OTUD7A: variants seen among roughly 807,000 people sequenced by gnomAD.
OTUD7A encodes OTU domain-containing protein 7A.
In OTUD7A, 12 loss-of-function variants were observed where a neutral mutation model predicts 65.7. That is an observed-to-expected ratio of 0.18 (90% confidence interval 0.12 to 0.30). The LOEUF (loss-of-function observed/expected upper bound fraction) is 0.30, where lower values mean the gene tolerates loss of function less well. Ranked by LOEUF, OTUD7A falls within the 10% of genes least tolerant of loss-of-function variation. The pLI, the probability that OTUD7A is intolerant of heterozygous loss-of-function variation, is 1.00. For synonymous variants in OTUD7A, 641 were observed against 586.3 expected (o/e 1.09, Z -1.35); for missense variants, 1,148 against 1,304.8 (o/e 0.88, Z 1.85).
At chr15:31,605,773 A>G (rs1442220553) in intron 3 of OTUD7A, among the ~76,000 whole-genome samples, 1 of 152,186 alleles carries the variant, frequency 6.6e-6, no homozygotes, top group East Asian at 1.9e-4. Context: ...TGACATCGCT[A>G]CAGTGCTGCA....
intron 8 of OTUD7A, among the ~76,000 whole-genome samples, chr15:31,525,360 A>C (rs2041996450): frequency 6.6e-6 from 1 of 152,226 alleles, no homozygotes; most frequent in Admixed American, 6.5e-5. Flanking sequence ...ACAGCCCTGG[A>C]GGAAGGGTGT....
At chr15:31,499,476 T>C (rs1366258570) in intron 10 of OTUD7A, among the ~76,000 whole-genome samples, 1 of 152,216 alleles carries the variant, frequency 6.6e-6, no homozygotes, top group Non-Finnish European at 1.5e-5. Flanking sequence ...CAGCTCATCC[T>C]GGAAGCTGCA....
intron 3 of OTUD7A, among the ~76,000 whole-genome samples, chr15:31,621,573 C>T (rs1200622722): frequency 1.3e-5 from 2 of 148,242 alleles, no homozygotes; most frequent in Non-Finnish European, 1.5e-5. Flanking sequence ...TTATCAGAGA[C>T]TAGGATTGCA....
At chr15:31,594,763 C>G (rs1051688101) in intron 3 of OTUD7A, among the ~76,000 whole-genome samples, 3 of 152,186 alleles carry the variant, frequency 2.0e-5, no homozygotes, top group African/African-American at 7.2e-5. Flanking sequence ...TCCCAGGTTG[C>G]CTGGTGCAGA....
At chr15:31,838,792 T>A (rs1897117114) in intron 1 of OTUD7A, among the ~76,000 whole-genome samples, 1 of 151,846 alleles carries the variant, frequency 6.6e-6, no homozygotes, top group Non-Finnish European at 1.5e-5. Context: ...TACTACTAAC[T>A]CATTTTGAAG....
chr15:31,863,035 C>T (rs1897785193), intron 1 of OTUD7A, among the ~76,000 whole-genome samples: 1 of 152,138 alleles, frequency 6.6e-6, no homozygotes, highest in Admixed American at 6.5e-5. Context: ...CAGGCAAGTC[C>T]AAAATCCAGC....
chr15:31,796,829 G>A (rs552430625), intron 1 of OTUD7A, among the ~76,000 whole-genome samples: 1 of 152,320 alleles, frequency 6.6e-6, no homozygotes, highest in African/African-American at 2.4e-5. Context: ...CTGCCTCCCA[G>A]TTTTAAGTGA....
At chr15:31,833,546 T>C (rs1555422717) in intron 1 of OTUD7A, among the ~76,000 whole-genome samples, 3 of 152,216 alleles carry the variant, frequency 2.0e-5, no homozygotes, top group Admixed American at 6.5e-5. Flanking sequence ...TTGCTTCCTA[T>C]TGCATCAAAA....
Position 31,510,974 on chromosome 15 carries a change from T to TAC in OTUD7A, c.894-7157_894-7156insGT, listed in dbSNP as rs1555391632. On this transcript the variant is annotated intron_variant, in intron 8 of 12. Transcript: ENST00000307050. ...CATATATGTATATCTATATGTAACA[T>TAC]ATGTATATCTATATGTAACATATGT... 1.6e-4 allele frequency among the ~76,000 whole-genome samples: 16 copies of TAC among 102,442 alleles called. 5 individuals carry two copies. The highest frequency in any genetic ancestry group is 6.5e-4 in the South Asian group (2 of 3,076). 67.2% of individuals were successfully genotyped at this position (102,442 alleles called of 152,430 possible). A position where few individuals can be genotyped will look rare whatever the true frequency, so the allele number is the denominator to read the frequency against.
chr15:31,865,900 C>A (rs1431294319), intron 1 of OTUD7A, among the ~76,000 whole-genome samples: 1 of 152,130 alleles, frequency 6.6e-6, no homozygotes, highest in Non-Finnish European at 1.5e-5. Flanking sequence ...TCATAAAAGT[C>A]AATACTGCAT....
chr15:31,724,356 G>T (rs1485270361), intron 1 of OTUD7A, among the ~76,000 whole-genome samples: 1 of 152,166 alleles, frequency 6.6e-6, no homozygotes, highest in Non-Finnish European at 1.5e-5. Context: ...AGTTCTTGGG[G>T]TTATTTTTCT....
chr15:31,557,436 G>C (rs764717947), intron 5 of OTUD7A: 1 of 152,240 alleles, frequency 6.6e-6, no homozygotes, highest in Non-Finnish European at 1.5e-5. Context: ...CCACATCAGT[G>C]AGCTCCCCGC....
chr15:31,687,401 A>G (rs1247040216), intron 1 of OTUD7A, among the ~76,000 whole-genome samples: 3 of 152,216 alleles, frequency 2.0e-5, no homozygotes, highest in African/African-American at 4.8e-5. Flanking sequence ...TAAAGGTCTT[A>G]TAAGAGATCT....
At chr15:31,813,959 A>T (rs1595787622) in intron 1 of OTUD7A, among the ~76,000 whole-genome samples, 1 of 152,242 alleles carries the variant, frequency 6.6e-6, no homozygotes, top group Admixed American at 6.5e-5. Flanking sequence ...TAATGCCTTA[A>T]TTCTAAGACA....
rs141534776 is a variant in OTUD7A at position 31,811,517 on chromosome 15, A to G, written c.-100+58990T>C. Among the ~76,000 whole-genome samples, 24 of 151,980 alleles carry G rather than the reference A, an allele frequency of 1.6e-4. No homozygotes were observed. In the East Asian group the frequency reaches 4.1e-3, roughly 26 times the overall value. On this transcript the variant is annotated intron_variant, in intron 1 of 12. Coordinates refer to ENST00000307050, the MANE Select transcript of OTUD7A (RefSeq NM_001382637.1). ...TGTATGTAAGTGCATGGGTATGTGT[A>G]TGACATCTGTGGGGTGTGTGTGCGT... is the stretch of plus-strand genomic sequence containing the variant.
At chr15:31,757,895 C>T (rs1370866213) in intron 1 of OTUD7A, among the ~76,000 whole-genome samples, 1 of 152,078 alleles carries the variant, frequency 6.6e-6, no homozygotes, top group Non-Finnish European at 1.5e-5. Context: ...TGAGGTTGAC[C>T]CACTGATGAT....
intron 1 of OTUD7A, among the ~76,000 whole-genome samples, chr15:31,677,086 G>C (rs1386624018): frequency 1.3e-5 from 2 of 152,212 alleles, no homozygotes; most frequent in African/African-American, 4.8e-5. Context: ...ATAGAATATG[G>C]CATGGAAGGA....
At chr15:31,799,011 A>G (rs992874626) in intron 1 of OTUD7A, among the ~76,000 whole-genome samples, 1 of 152,202 alleles carries the variant, frequency 6.6e-6, no homozygotes, top group African/African-American at 2.4e-5. Context: ...CAGGGTGGAG[A>G]GGGCCCCACA....
At chr15:31,735,579 T>G (rs1595735338) in intron 1 of OTUD7A, among the ~76,000 whole-genome samples, 1 of 150,792 alleles carries the variant, frequency 6.6e-6, no homozygotes, top group Non-Finnish European at 1.5e-5. Context: ...GGCAAGGTTG[T>G]GGAGAAAAAG....
Sources: gnomAD v4.1 joint callset for allele counts (sites outside exome capture counted in the v4.1 genomes callset) on GRCh38, gnomAD v4.1.1 for gene constraint, MANE v1.5 for transcripts, NCBI Gene and HGNC (gene_info 2026-07-23, HGNC 2026-07-21) for gene names.